The following TRPM7 variants were observed in gnomAD, a reference collection of about 807,000 sequenced individuals.
TRPM7 encodes transient receptor potential cation channel subfamily M member 7, also known as LTRPC ion channel family member 7.
In TRPM7, 134 loss-of-function variants were observed where a neutral mutation model predicts 229.7. That is an observed-to-expected ratio of 0.58 (90% CI 0.51 to 0.67). The LOEUF (loss-of-function observed/expected upper bound fraction) is 0.67, where lower values mean the gene tolerates loss of function less well. Among genes scored for constraint, TRPM7 ranks in the 30% least tolerant of loss-of-function variants. The pLI, the probability that TRPM7 is intolerant of heterozygous loss-of-function variation, is 0.00. For synonymous variants in TRPM7, 699 were observed against 715.2 expected, an observed-to-expected ratio of 0.98 and a Z score of 0.36; for missense variants, 1,901 against 2,210.0, an observed-to-expected ratio of 0.86 and a Z score of 2.80.
intron 6 of TRPM7, among the ~76,000 whole-genome samples, chr15:50,638,798 G>A (rs1368097879): frequency 2.0e-5 from 3 of 151,934 alleles, no homozygotes; most frequent in Non-Finnish European, 2.9e-5. Flanking sequence ...CAATTCTCCC[G>A]CCTCAGCCTC....
chr15:50,604,365 G>A (rs1429935808), intron 21 of TRPM7: 1 of 152,386 alleles, frequency 6.6e-6, no homozygotes, highest in Non-Finnish European at 1.5e-5. Context: ...CTGAGGTCAG[G>A]AGTTTGGGAC....
At chr15:50,566,483 G>C (rs916013934) in intron 38 of TRPM7, among the ~76,000 whole-genome samples, 1 of 152,038 alleles carries the variant, frequency 6.6e-6, no homozygotes, top group Admixed American at 6.6e-5. Flanking sequence ...AGATCACGAG[G>C]TCAAGAGATC....
At position 50,574,909 on chromosome 15, in the gene TRPM7, C is replaced by A; in HGVS notation, c.4962G>T (p.Val1654=). The A allele has an allele frequency of 6.2e-7, 1 of 1,613,704 alleles. No individual in the cohort carries two copies. Among genetic ancestry groups the A allele is most frequent in the Non-Finnish European group, 8.5e-7 (1 of 1,179,722 alleles). Residue 1654 remains valine, a synonymous_variant, in exon 34 of 39, where the codon GTG becomes GTT. Coordinates refer to ENST00000646667, the MANE Select transcript of TRPM7 (RefSeq NM_017672.6). The part of the protein sequence containing the change: ...LYIIKSFLPE[V]VNTWSSIYKE... ...TGTAAATACTTGACCATGTATTAACCACCTCTGGAAGAAAAGATTTGATAA... is the reference window on the plus strand; with the variant it reads ...TGTAAATACTTGACCATGTATTAACAACCTCTGGAAGAAAAGATTTGATAA...
At chr15:50,647,717 G>A (rs1446199148) in intron 4 of TRPM7, among the ~76,000 whole-genome samples, 1 of 152,010 alleles carries the variant, frequency 6.6e-6, no homozygotes, top group Non-Finnish European at 1.5e-5. Context: ...CCGCACTCCA[G>A]CCTGGGCAAC....
intron 29 of TRPM7, among the ~76,000 whole-genome samples, chr15:50,581,509 AT>A (rs1227788239): frequency 2.7e-5 from 4 of 147,378 alleles, no homozygotes; most frequent in South Asian, 2.2e-4. Flanking sequence ...GAAAAAAAAA[AT>A]AATAAATATA....
Position 50,561,474 on chromosome 15 carries a change from C to A in TRPM7, c.*204G>T. 1 of 499,176 alleles carries A rather than the reference C, an allele frequency of 2.0e-6. No individual in the cohort carries two copies. Among genetic ancestry groups the A allele is most frequent in the Non-Finnish European group, 3.4e-6 (1 of 290,148 alleles). The allele number at this position is 499,176 out of a possible 1,614,324, so 30.9% of individuals were successfully genotyped here. On this transcript the variant is annotated 3_prime_UTR_variant, in exon 39 of 39. Coordinates refer to ENST00000646667, the MANE Select transcript of TRPM7 (RefSeq NM_017672.6). ...TAATTATCAATTACCTTTAAAATTT[C>A]TCAGCTGCCAGCTCTATCCTATAGG...
At position 50,672,640 on chromosome 15, in the gene TRPM7, T is replaced by C. The variant is rs372811163; in HGVS notation, c.4-9594A>G. On this transcript the variant is annotated intron_variant, in intron 1 of 38. Transcript: ENST00000646667. ...AATAGAAAAAAGTAGCCAGGTGCGG[T>C]GGCTCACGCCTGTAACCCCAGCACT... 2.4e-4 allele frequency among the ~76,000 whole-genome samples: 37 copies of C among 151,924 alleles called. No homozygotes were observed. The East Asian group carries it at 5.4e-3, about 22-fold the overall frequency.
chr15:50,591,225 C>T (rs1415767274), intron 26 of TRPM7, among the ~76,000 whole-genome samples: 1 of 151,846 alleles, frequency 6.6e-6, no homozygotes, highest in South Asian at 2.1e-4. Flanking sequence ...AATAGTGCAC[C>T]CTTTCACTTT....
chr15:50,619,869 A>C, intron 12 of TRPM7, 71 bp from the exon 13 acceptor site: 1 of 1,283,880 alleles, frequency 7.8e-7, no homozygotes, highest in South Asian at 1.3e-5. Context: ...CAGGATTTTT[A>C]TGAACCTTCT....
chr15:50,663,105 C>A, intron 1 of TRPM7, 59 bp from the exon 2 acceptor site: 1 of 1,280,894 alleles, frequency 7.8e-7, no homozygotes, highest in Non-Finnish European at 1.1e-6. Flanking sequence ...AAGAAGGAAA[C>A]AATTTCATGA....
chr15:50,583,513 C>T (rs772316814), intron 28 of TRPM7, among the ~76,000 whole-genome samples: 31 of 151,832 alleles, frequency 2.0e-4, no homozygotes, highest in Non-Finnish European at 3.2e-4. Context: ...CAATATTTAA[C>T]ATAAATGGTA....
rs910238335 is a variant in TRPM7 at position 50,655,270 on chromosome 15, C to T, written c.122+2511G>A. On this transcript the variant is annotated intron_variant, in intron 3 of 38. Transcript: ENST00000646667. ...CCATCAAGGTAAAATCCCATCTCTA[C>T]TAATAATACAAAATGAGCCAGGCAT... is the stretch of plus-strand genomic sequence containing the variant. 2.6e-5 allele frequency among the ~76,000 whole-genome samples: 4 copies of T among 151,514 alleles called. No individual in the cohort carries two copies. The East Asian group carries it at 7.8e-4, about 30-fold the overall frequency.
rs34461633 is a variant in TRPM7 at position 50,560,012 on chromosome 15, CAAAAAAAAAAAAA to C, written c.*1653_*1665del. On this transcript the variant is annotated 3_prime_UTR_variant, in exon 39 of 39. Transcript: ENST00000646667. Reference sequence around the variant, plus strand: ...CAAGCAACAGAGCGAGACTCCGTCTCAAAAAAAAAAAAAAAAAAAAAAGTATAGCTACTATTAT... The same window carrying C: ...CAAGCAACAGAGCGAGACTCCGTCTCAAAAAAAAAGTATAGCTACTATTAT... 4 of 79,830 alleles carry C rather than the reference CAAAAAAAAAAAAA, an allele frequency of 5.0e-5. No individual in the cohort carries two copies. Among genetic ancestry groups the C allele is most frequent in the African/African-American group, 2.2e-4 (4 of 18,602 alleles). The allele number at this position is 79,830 out of a possible 1,614,324, so 4.9% of individuals were successfully genotyped here. A position where few individuals can be genotyped will look rare whatever the true frequency, so the allele number is the denominator to read the frequency against.
Position 50,650,564 on chromosome 15 carries a change from G to A in TRPM7, c.123-1679C>T, listed in dbSNP as rs139791689. Among the ~76,000 whole-genome samples the A allele has an allele frequency of 7.6e-3, 1,152 of 152,050 alleles. 21 individuals carry two copies. Among genetic ancestry groups the A allele is most frequent in the Non-Finnish European group, 5.8e-3 (397 of 67,970 alleles). On this transcript the variant is annotated intron_variant, in intron 3 of 38. Transcript: ENST00000646667. ...ATAAAAATTAACTAGGCATGGTGGCGTACGCTTGTAGTCCCAGCTTCTCAG... is the reference window on the plus strand; with the variant it reads ...ATAAAAATTAACTAGGCATGGTGGCATACGCTTGTAGTCCCAGCTTCTCAG...
chr15:50,606,379 A>AAAACAAACAAACAAACAAAC (rs373781520), intron 20 of TRPM7, among the ~76,000 whole-genome samples: 5 of 151,860 alleles, frequency 3.3e-5, no homozygotes, highest in African/African-American at 1.2e-4. Flanking sequence ...ACTACGTCTC[A>AAAACAAACAAACAAACAAAC]AAACAAACAA....
intron 1 of TRPM7, among the ~76,000 whole-genome samples, chr15:50,678,250 AACAAAAAC>A (rs2062144304): frequency 8.0e-6 from 1 of 125,650 alleles, no homozygotes; most frequent in African/African-American, 3.0e-5. Flanking sequence ...AAAAAAAAAA[AACAAAAAC>A]AAAAACAAAA....
chr15:50,590,670 G>A (rs940734248), intron 26 of TRPM7, among the ~76,000 whole-genome samples: 2 of 151,984 alleles, frequency 1.3e-5, no homozygotes, highest in Admixed American at 6.6e-5. Flanking sequence ...AAAATAAATT[G>A]GAAATTAGCC....
At chr15:50,652,236 G>A (rs2061439935) in intron 3 of TRPM7, among the ~76,000 whole-genome samples, 1 of 148,174 alleles carries the variant, frequency 6.7e-6, no homozygotes, top group Non-Finnish European at 1.5e-5. Flanking sequence ...AGGAGGCTGA[G>A]GCATGAAAAT....
At chr15:50,569,742 A>G in intron 38 of TRPM7, 145 bp downstream of exon 38, 1 of 489,436 alleles carries the variant, frequency 2.0e-6, no homozygotes, top group Non-Finnish European at 3.6e-6. Context: ...TTTATAACCA[A>G]CAATATGTAT....
Sources: gnomAD v4.1 joint callset for allele counts (sites outside exome capture counted in the v4.1 genomes callset) on GRCh38, gnomAD v4.1.1 for gene constraint, MANE v1.5 for transcripts, NCBI Gene and HGNC (gene_info 2026-07-23, HGNC 2026-07-21) for gene names.